CHN1: variants seen among roughly 807,000 people sequenced by gnomAD.
CHN1 encodes chimerin 1.
In CHN1, 37 loss-of-function variants were observed where a neutral mutation model predicts 59.5. That is an observed-to-expected ratio of 0.62 (90% CI 0.48 to 0.82). The LOEUF (loss-of-function observed/expected upper bound fraction) is 0.82. CHN1 is among the 40% of genes least tolerant of loss of function. The probability of loss-of-function intolerance (pLI) is 0.00; values close to 1 mark genes in which losing one functional copy is unlikely to be tolerated. For synonymous variants in CHN1, 206 were observed against 200.4 expected (o/e 1.03, Z -0.24); for missense variants, 469 against 571.0 (o/e 0.82, Z 1.82).
intron 1 of CHN1, among the ~76,000 whole-genome samples, chr2:174,956,642 G>C (rs986086651): frequency 7.2e-5 from 11 of 151,802 alleles, no homozygotes; most frequent in Admixed American, 4.6e-4. Context: ...CGTGGTGGCA[G>C]GTACCTGTAC....
intron 7 of CHN1, among the ~76,000 whole-genome samples, chr2:174,841,128 T>C (rs1321687570): frequency 6.6e-6 from 1 of 152,210 alleles, no homozygotes; most frequent in Non-Finnish European, 1.5e-5. Flanking sequence ...TATGCAACTA[T>C]GTGCAAACCA....
chr2:174,967,080 C>G (rs747814779), intron 1 of CHN1, among the ~76,000 whole-genome samples: 5 of 152,152 alleles, frequency 3.3e-5, no homozygotes, highest in Non-Finnish European at 7.4e-5. Context: ...TGCGGGGACT[C>G]ACACCTGTAA....
intron 5 of CHN1, among the ~76,000 whole-genome samples, chr2:174,908,505 A>T (rs1574152274): frequency 6.6e-6 from 1 of 152,298 alleles, no homozygotes; most frequent in East Asian, 1.9e-4. Flanking sequence ...TGGCACACTA[A>T]GTGCTAAAAT....
chr2:174,902,892 A>G (rs16862907), intron 5 of CHN1, among the ~76,000 whole-genome samples: 6,937 of 152,286 alleles, frequency 0.046, 216 homozygotes, highest in African/African-American at 0.084. Context: ...AGCTCACTTT[A>G]TAAGTCAACC....
intron 5 of CHN1, among the ~76,000 whole-genome samples, chr2:174,881,945 A>G (rs1194534774): frequency 3.3e-5 from 5 of 152,252 alleles, no homozygotes; most frequent in African/African-American, 7.2e-5. Flanking sequence ...AAAGCGGGAC[A>G]TATTAAGTGG....
At chr2:174,995,188 C>T (rs183908026) in intron 1 of CHN1, among the ~76,000 whole-genome samples, 104 of 152,178 alleles carry the variant, frequency 6.8e-4, no homozygotes, top group African/African-American at 2.0e-3. Flanking sequence ...AAATTTTAAG[C>T]GTTATGAGGG....
intron 1 of CHN1, among the ~76,000 whole-genome samples, chr2:174,990,233 CTGTG>C (rs954929353): frequency 0.013 from 1,485 of 115,994 alleles, 25 homozygotes; most frequent in African/African-American, 0.036. Flanking sequence ...TGTGGTGTGT[CTGTG>C]TGTGTGTGTG....
At position 174,898,262 on chromosome 2, in the gene CHN1, A is replaced by G. The variant is rs952525403; in HGVS notation, c.260+16796T>C. 5.3e-5 allele frequency among the ~76,000 whole-genome samples: 8 copies of G among 152,126 alleles called. No homozygotes were observed. In the South Asian group the frequency reaches 1.7e-3, roughly 31 times the overall value. ...CACACCAGCCTTGAAGTCACTCCCA[A>G]TACTTTGAACATGGGAGAAAAACAA... On this transcript the variant is annotated intron_variant, in intron 5 of 12. Coordinates refer to ENST00000409900, the MANE Select transcript of CHN1 (RefSeq NM_001822.7).
chr2:174,984,664 G>A (rs996042247), intron 1 of CHN1, among the ~76,000 whole-genome samples: 1 of 151,082 alleles, frequency 6.6e-6, no homozygotes, highest in African/African-American at 2.5e-5. Context: ...ACTGTGCCTG[G>A]CTGTGTTTTA....
At position 174,891,785 on chromosome 2, in the gene CHN1, A is replaced by C. The variant is rs557001011; in HGVS notation, c.261-13657T>G. Among the ~76,000 whole-genome samples, 297 of 152,224 alleles carry C rather than the reference A, an allele frequency of 2.0e-3. 2 individuals are homozygous for C. Among genetic ancestry groups the C allele is most frequent in the African/African-American group, 6.8e-3 (284 of 41,538 alleles). On this transcript the variant is annotated intron_variant, in intron 5 of 12. Transcript: ENST00000409900. ...GGTAATAGCAGTGATTAGAGCTGAA[A>C]TAAACAAAATAGACACTAGAAAAAC...
intron 5 of CHN1, among the ~76,000 whole-genome samples, chr2:174,913,721 T>C (rs1688760353): frequency 6.6e-6 from 1 of 152,194 alleles, no homozygotes; most frequent in South Asian, 2.1e-4. Context: ...TTCATTCTAT[T>C]TAATAGAAAG....
At chr2:174,829,291 C>T (rs1218123982) in intron 7 of CHN1, among the ~76,000 whole-genome samples, 2 of 152,166 alleles carry the variant, frequency 1.3e-5, no homozygotes, top group African/African-American at 2.4e-5. Context: ...CAGAAGCAGG[C>T]TGCAAAGGAC....
chr2:174,905,547 T>C (rs1367908724), intron 5 of CHN1, among the ~76,000 whole-genome samples: 1 of 151,986 alleles, frequency 6.6e-6, no homozygotes, highest in Non-Finnish European at 1.5e-5. Flanking sequence ...ATAAAAACCA[T>C]GCTGAGGATA....
intron 1 of CHN1, among the ~76,000 whole-genome samples, chr2:174,980,234 C>G (rs766391287): frequency 2.2e-4 from 33 of 152,074 alleles, no homozygotes; most frequent in Non-Finnish European, 4.1e-4. Flanking sequence ...GCAAGACTTA[C>G]GTAAAAAAAA....
At chr2:174,945,951 G>A (rs1235892318) in intron 2 of CHN1, among the ~76,000 whole-genome samples, 9 of 151,736 alleles carry the variant, frequency 5.9e-5, no homozygotes, top group East Asian at 5.8e-4. Flanking sequence ...ATAAATGTGT[G>A]TGTATATATA....
At chr2:174,876,030 G>A (rs936089149) in intron 6 of CHN1, among the ~76,000 whole-genome samples, 2 of 152,144 alleles carry the variant, frequency 1.3e-5, no homozygotes, top group African/African-American at 4.8e-5. Flanking sequence ...AGTAGCTATC[G>A]CTGTCCACCA....
intron 1 of CHN1, among the ~76,000 whole-genome samples, chr2:174,989,082 T>C (rs779777297): frequency 3.9e-4 from 60 of 152,092 alleles, no homozygotes; most frequent in Non-Finnish European, 7.1e-4. Context: ...AATTTTAAAA[T>C]AAAAGATAAA....
chr2:174,972,301 G>GA, intron 1 of CHN1, among the ~76,000 whole-genome samples: 1 of 152,136 alleles, frequency 6.6e-6, no homozygotes, highest in Non-Finnish European at 1.5e-5. Flanking sequence ...ACCCACGGCA[G>GA]GGTGATATCC....
intron 5 of CHN1, among the ~76,000 whole-genome samples, chr2:174,881,180 C>T (rs1687721836): frequency 6.6e-6 from 1 of 152,020 alleles, no homozygotes. Context: ...TCCCTCATAC[C>T]ATAAAACCAA....
Sources: gnomAD v4.1 joint callset for allele counts (sites outside exome capture counted in the v4.1 genomes callset) on GRCh38, gnomAD v4.1.1 for gene constraint, MANE v1.5 for transcripts, NCBI Gene and HGNC (gene_info 2026-07-23, HGNC 2026-07-21) for gene names.